WASHC2A: variants seen among roughly 807,000 people sequenced by gnomAD.
WASHC2A encodes WASH complex subunit 2A, also known as WASH complex subunit FAM21A.
WASHC2A carries 82 observed loss-of-function variants against 140.3 expected under a neutral mutation model. That is an observed-to-expected ratio of 0.58 (90% CI 0.49 to 0.70). WASHC2A has a LOEUF of 0.70. Ranked by LOEUF, WASHC2A falls within the 30% of genes least tolerant of loss-of-function variation. The probability of loss-of-function intolerance (pLI) is 0.00; values close to 1 mark genes in which losing one functional copy is unlikely to be tolerated. For synonymous variants in WASHC2A, 340 were observed against 560.8 expected (o/e 0.61, Z 5.56); for missense variants, 985 against 1,521.8 (o/e 0.65, Z 5.87).
chr10:50,070,367 A>G (rs1438068267), intron 3 of WASHC2A, among the ~76,000 whole-genome samples: 2 of 152,146 alleles, frequency 1.3e-5, no homozygotes, highest in Non-Finnish European at 2.9e-5. Context: ...AGAGATGAGG[A>G]TGGAGAGGAA....
In WASHC2A at chr10:50,095,181, C is replaced by T; in HGVS notation, c.1214C>T (p.Pro405Leu). ...TCATCCAAACCTGGAAAGAAAATCC[C>T]AGCAGGAGCTGTTTCTGTATTTTTA... is the stretch of plus-strand genomic sequence containing the variant. The part of the protein sequence containing the change: ...SSSSKPGKKI[P>L]AGAVSVFLGD... The change falls in exon 14 of 31, where the codon CCA becomes CTA. Residue 405 changes from proline (P) to leucine (L), a missense_variant. Physicochemically the swap from Pro to Leu is moderately conservative, Grantham distance 98. Transcript: ENST00000282633. 1.9e-6 allele frequency: 3 copies of T among 1,592,952 alleles called. No individual in the cohort carries two copies. Among genetic ancestry groups the T allele is most frequent in the South Asian group, 1.1e-5 (1 of 88,632 alleles).
intron 6 of WASHC2A, 30 bp downstream of exon 6, chr10:50,084,195 C>T: frequency 5.0e-6 from 8 of 1,607,956 alleles, no homozygotes; most frequent in Non-Finnish European, 6.8e-6. Flanking sequence ...AATTTTGTTC[C>T]TTAACATTTC....
Position 50,125,103 on chromosome 10 carries a change from C to G in WASHC2A, c.2479-10C>G. The G allele has an allele frequency of 6.2e-7, 1 of 1,611,848 alleles. No homozygotes were observed. The highest frequency in any genetic ancestry group is 2.2e-5 in the East Asian group (1 of 44,872). ...CTCTAATCACACATGACCTTCCCTC[C>G]TGTTCCCAGGGCCGCGATCCTGATG... On this transcript the variant is annotated splice_polypyrimidine_tract_variant and intron_variant, in intron 23 of 30. Coordinates refer to ENST00000282633, the MANE Select transcript of WASHC2A (RefSeq NM_001005751.3).
chr10:50,095,149 G>T lies in WASHC2A; in HGVS notation c.1182G>T (p.Glu394Asp). ...TTACCCCTTGCTTTCTCATTCTAGA[G>T]TCTTCATCATCCAAACCTGGAAAGA... Reference protein sequence around the residue: ...DRQAGASVKEESSSSKPGKKI... With the variant: ...DRQAGASVKEDSSSSKPGKKI... The change falls in exon 14 of 31, where the codon GAG becomes GAT. Residue 394 changes from glutamate to aspartate, a missense_variant and splice_region_variant. Physicochemically the swap from Glu to Asp is conservative, Grantham distance 45 (BLOSUM62 2). Transcript: ENST00000282633. 1 of 1,575,368 alleles carries T rather than the reference G, an allele frequency of 6.3e-7. No individual in the cohort carries two copies. The highest frequency in any genetic ancestry group is 1.2e-5 in the South Asian group (1 of 86,812).
chr10:50,100,899 A>G (rs1234941511), intron 17 of WASHC2A, among the ~76,000 whole-genome samples: 15 of 152,428 alleles, frequency 9.8e-5, no homozygotes, highest in Non-Finnish European at 1.2e-4. Context: ...GTCGTCTTAG[A>G]TCCAATTTTA....
intron 13 of WASHC2A, 95 bp from the exon 14 acceptor site, chr10:50,095,053 C>T: frequency 6.2e-7 from 1 of 1,600,258 alleles, no homozygotes; most frequent in Non-Finnish European, 8.5e-7. Flanking sequence ...AGGTCTGATA[C>T]TAGCTGTGTT....
At chr10:50,091,550 G>T (rs1221131523) in intron 10 of WASHC2A, 32 bp downstream of exon 10, 19 of 1,549,532 alleles carry the variant, frequency 1.2e-5, no homozygotes, top group South Asian at 3.6e-5. Context: ...GGGGAGTAGG[G>T]GGGGAGTAGT....
chr10:50,073,574 A>G (rs1838045861), intron 3 of WASHC2A, among the ~76,000 whole-genome samples: 1 of 103,736 alleles, frequency 9.6e-6, no homozygotes, highest in Admixed American at 1.2e-4. Flanking sequence ...AATTAGAGAG[A>G]AGGAGGTAAA....
In WASHC2A at chr10:50,129,482, C is replaced by T. The variant is rs1268827021; in HGVS notation, c.3151C>T (p.Gln1051Ter). The change falls in exon 29 of 31, where the codon CAG becomes TAG. Residue 1051 changes from glutamine to a stop codon, truncating the protein, a stop_gained. Coordinates refer to ENST00000282633, the MANE Select transcript of WASHC2A (RefSeq NM_001005751.3). LOFTEE classifies it high-confidence loss of function. ...CCGTGCAGCTAGGCGGCTGGCTGCTCAGGAGTCCAGCGAGACTGAGGACAT... is the reference window on the plus strand; with the variant it reads ...CCGTGCAGCTAGGCGGCTGGCTGCTTAGGAGTCCAGCGAGACTGAGGACAT... Reference protein sequence around the residue: ...QTRAARRLAAQESSETEDMSV... With the variant: ...QTRAARRLAA 2 of 1,612,050 alleles carry T rather than the reference C, an allele frequency of 1.2e-6. No homozygotes were observed. The highest frequency in any genetic ancestry group is 3.3e-5 in the Admixed American group (2 of 60,020).
Position 50,084,101 on chromosome 10 carries a change from T to G in WASHC2A, c.558T>G (p.Tyr186Ter). Residue 186 changes from tyrosine (Y) to a stop codon, truncating the protein, a stop_gained, in exon 6 of 31, where the codon TAT becomes TAG. Transcript: ENST00000282633. LOFTEE classifies it high-confidence loss of function. ...KDLYIDRPLP[Y>*]LIGSKLFMEQ... ...TATACATTGATCGTCCTTTACCATA[T>G]CTCATTGGGTCAAAGCTGTTCATGG... is the stretch of plus-strand genomic sequence containing the variant. 1 of 1,611,708 alleles carries G rather than the reference T, an allele frequency of 6.2e-7. No homozygotes were observed. The highest frequency in any genetic ancestry group is 8.5e-7 in the Non-Finnish European group (1 of 1,179,826).
intron 17 of WASHC2A, among the ~76,000 whole-genome samples, chr10:50,100,407 G>A (rs1451894671): frequency 2.6e-4 from 39 of 151,418 alleles, no homozygotes; most frequent in East Asian, 1.6e-3. Context: ...ACTTGAACCC[G>A]GGAGGCAGAA....
Position 50,119,735 on chromosome 10 carries a change from A to C in WASHC2A, c.2444A>C (p.Asn815Thr). 1 of 1,605,546 alleles carries C rather than the reference A, an allele frequency of 6.2e-7. No individual in the cohort carries two copies. The highest frequency in any genetic ancestry group is 1.1e-5 in the South Asian group (1 of 90,806). The change falls in exon 23 of 31, where the codon AAC (asparagine) becomes ACC (threonine). Residue 815 changes from asparagine to threonine, a missense_variant. Physicochemically the swap from Asn to Thr is moderately conservative, Grantham distance 65. Transcript: ENST00000282633. ...DEEEDKMEDQ[N>T]IIQAPQKEVG... ...GAAGAGGATAAAATGGAAGATCAAA[A>C]CATTATCCAGGCTCCACAGAAAGAA...
rs782001014 is a variant in WASHC2A at position 50,068,010 on chromosome 10, T to C, written c.3+2T>C. The stretch of plus-strand genomic sequence containing the variant: ...CCACCGAGCCGGGCGGCTAGGATGG[T>C]GAGGGCGCCGGGCAGGAGAGAGGCC... On this transcript the variant is annotated splice_donor_variant, in intron 1 of 30. Coordinates refer to ENST00000282633, the MANE Select transcript of WASHC2A (RefSeq NM_001005751.3). LOFTEE classifies it high-confidence loss of function. The C allele has an allele frequency of 1.2e-6, 2 of 1,607,216 alleles. No individual in the cohort carries two copies. The highest frequency in any genetic ancestry group is 2.2e-5 in the South Asian group (2 of 90,562).
At chr10:50,091,562 C>T (rs1302587174) in intron 10 of WASHC2A, 44 bp downstream of exon 10, 1 of 1,548,504 alleles carries the variant, frequency 6.5e-7, no homozygotes, top group Non-Finnish European at 8.7e-7. Context: ...GGGAGTAGTG[C>T]AGGGCCCTCT....
At chr10:50,082,955 G>T (rs1839045252) in intron 5 of WASHC2A, among the ~76,000 whole-genome samples, 1 of 116,918 alleles carries the variant, frequency 8.6e-6, no homozygotes, top group Non-Finnish European at 1.7e-5. Context: ...GAACCACTAG[G>T]GGGTATTGTT....
intron 15 of WASHC2A, 57 bp from the exon 16 acceptor site, chr10:50,097,618 A>G (rs2132646138): frequency 7.2e-7 from 1 of 1,391,180 alleles, no homozygotes; most frequent in East Asian, 2.4e-5. Context: ...TAATCTGTGA[A>G]TTTTGTGATA....
At chr10:50,125,761 C>T (rs1273557175) in intron 25 of WASHC2A, among the ~76,000 whole-genome samples, 2 of 152,162 alleles carry the variant, frequency 1.3e-5, no homozygotes, top group Non-Finnish European at 2.9e-5. Flanking sequence ...ACTAAATATT[C>T]GTGCCTTTCA....
In WASHC2A at chr10:50,079,678, C is replaced by T. The variant is rs2805132; in HGVS notation, c.354+941C>T. Among the ~76,000 whole-genome samples, 13 of 152,344 alleles carry T rather than the reference C, an allele frequency of 8.5e-5. No homozygotes were observed. The East Asian group carries it at 9.6e-4, about 11-fold the overall frequency. On this transcript the variant is annotated intron_variant, in intron 4 of 30. Transcript: ENST00000282633. ...CCTACCAAAGTGCTAGGATTACAGG[C>T]GTGAGCTACTGTGCCCAGCAGGTTA...
At chr10:50,099,092 C>T (rs1468681107) in intron 16 of WASHC2A, among the ~76,000 whole-genome samples, 10 of 152,060 alleles carry the variant, frequency 6.6e-5, no homozygotes, top group Admixed American at 2.0e-4. Flanking sequence ...TTTCTTGACT[C>T]AGTTAATCTG....
Sources: allele counts gnomAD v4.1 joint callset (sites outside exome capture counted in the v4.1 genomes callset), GRCh38; gene constraint gnomAD v4.1.1; transcripts MANE v1.5; gene names NCBI Gene and HGNC (gene_info 2026-07-23, HGNC 2026-07-21).